USP4: variants seen among roughly 807,000 people sequenced by gnomAD.
USP4 encodes ubiquitin carboxyl-terminal hydrolase 4.
A neutral mutation model predicts 118.2 loss-of-function variants in USP4; 72 were observed. That is an observed-to-expected ratio of 0.61 (90% CI 0.50 to 0.74). The LOEUF is 0.74. Ranked by LOEUF, USP4 falls within the 30% of genes least tolerant of loss-of-function variation. The probability of loss-of-function intolerance (pLI) is 0.00; values close to 1 mark genes in which losing one functional copy is unlikely to be tolerated. For synonymous variants in USP4, 415 were observed against 440.4 expected (o/e 0.94, Z 0.72); for missense variants, 1,037 against 1,185.7 (o/e 0.87, Z 1.84).
Position 49,284,144 on chromosome 3 carries a change from G to A in USP4, c.2391-8C>T. Reference sequence around the variant, plus strand: ...TTACAGTTGGGACAGTACCTAAAAAGAGAAACCTCCACTTAGCAGGGCAAG... The same window carrying A: ...TTACAGTTGGGACAGTACCTAAAAAAAGAAACCTCCACTTAGCAGGGCAAG... On this transcript the variant is annotated splice_polypyrimidine_tract_variant and splice_region_variant and intron_variant, in intron 18 of 21. Coordinates refer to ENST00000265560, the MANE Select transcript of USP4 (RefSeq NM_003363.4). 6.2e-7 allele frequency: 1 copy of A among 1,614,128 alleles called. No homozygotes were observed. The highest frequency in any genetic ancestry group is 1.7e-4 in the Middle Eastern group (1 of 6,060).
chr3:49,280,025 G>A (rs2047001204), intron 20 of USP4, among the ~76,000 whole-genome samples: 1 of 152,190 alleles, frequency 6.6e-6, no homozygotes, highest in African/African-American at 2.4e-5. Flanking sequence ...ACTTTGGGAG[G>A]CCAAGGCAGG....
intron 3 of USP4, among the ~76,000 whole-genome samples, chr3:49,326,576 T>C (rs1362532259): frequency 2.0e-5 from 3 of 151,368 alleles, no homozygotes; most frequent in African/African-American, 4.9e-5. Context: ...TTTGTATTTT[T>C]AGTAGAGACA....
intron 15 of USP4, among the ~76,000 whole-genome samples, chr3:49,292,015 G>A (rs2047157002): frequency 6.6e-6 from 1 of 152,196 alleles, no homozygotes; most frequent in South Asian, 2.1e-4. Flanking sequence ...CACTGTGTTA[G>A]CCAGAATGGT....
chr3:49,326,341 T>TTC (rs2047555266), intron 3 of USP4, among the ~76,000 whole-genome samples: 2 of 152,048 alleles, frequency 1.3e-5, no homozygotes. Flanking sequence ...ATATATATTT[T>TTC]TTTTCTACCC....
chr3:49,287,629 C>A (rs140322563), intron 15 of USP4, among the ~76,000 whole-genome samples: 4 of 152,002 alleles, frequency 2.6e-5, no homozygotes, highest in African/African-American at 9.7e-5. Context: ...CGCACCACCA[C>A]GCCCAGCTAA....
At position 49,284,902 on chromosome 3, in the gene USP4, T is replaced by C. The variant is rs761396618; in HGVS notation, c.2218A>G (p.Met740Val). Residue 740 changes from methionine to valine, a missense_variant, in exon 17 of 22, where the codon ATG becomes GTG. Around this residue, in one of 3 missense-constraint regions of USP4, gnomAD observed 522 missense variants for 592.6 expected, o/e 0.88. Transcript: ENST00000265560. Reference protein sequence around the residue: ...LKLNSRSTLAMDWDSETRRLY... With the variant: ...LKLNSRSTLAVDWDSETRRLY... ...CTCCGAGTTTCACTGTCCCAATCCA[T>C]GGCCAGTGTAGATCGAGCTGAGGAG... The C allele has an allele frequency of 2.5e-6, 4 of 1,613,050 alleles. No homozygotes were observed. The highest frequency in any genetic ancestry group is 3.4e-6 in the Non-Finnish European group (4 of 1,179,484).
intron 4 of USP4, 36 bp from the exon 5 acceptor site, chr3:49,325,075 C>A (rs747037311): frequency 6.2e-7 from 1 of 1,602,726 alleles, no homozygotes; most frequent in Non-Finnish European, 8.5e-7. Context: ...GGGGCTTTGT[C>A]CACATGCAAG....
chr3:49,297,312 CA>C, intron 13 of USP4, among the ~76,000 whole-genome samples: 1 of 152,286 alleles, frequency 6.6e-6, no homozygotes, highest in South Asian at 2.1e-4. Flanking sequence ...AGCCATGAAG[CA>C]GCATGTGGGA....
intron 15 of USP4, among the ~76,000 whole-genome samples, chr3:49,291,573 CA>C (rs768383989): frequency 9.4e-3 from 441 of 46,934 alleles, no homozygotes; most frequent in Middle Eastern, 0.014. Flanking sequence ...GATTCCGTCT[CA>C]AAAAAAAAAA....
At chr3:49,324,635 C>T in intron 6 of USP4, 67 bp downstream of exon 6, 3 of 1,434,034 alleles carry the variant, frequency 2.1e-6, no homozygotes, top group Non-Finnish European at 2.9e-6. Flanking sequence ...AGTACAAGTA[C>T]TGCCTTAGGA....
intron 19 of USP4, 81 bp downstream of exon 19, chr3:49,283,906 T>G (rs2047065795): frequency 1.1e-5 from 17 of 1,567,310 alleles, no homozygotes; most frequent in Non-Finnish European, 1.5e-5. Flanking sequence ...AAGTTTTTGG[T>G]GGCAAACCAC....
intron 2 of USP4, among the ~76,000 whole-genome samples, chr3:49,330,573 C>T (rs189208727): frequency 0.011 from 1,612 of 151,580 alleles, 28 homozygotes; most frequent in African/African-American, 0.037. Context: ...CCTCGTGATC[C>T]GCCCACCTTG....
At chr3:49,322,162 C>A (rs1374185167) in intron 6 of USP4, among the ~76,000 whole-genome samples, 2 of 152,198 alleles carry the variant, frequency 1.3e-5, no homozygotes, top group Non-Finnish European at 2.9e-5. Context: ...CCAGTTCTGA[C>A]CATGAATCCC....
At chr3:49,335,887 G>A (rs759247908) in intron 1 of USP4, among the ~76,000 whole-genome samples, 11 of 151,934 alleles carry the variant, frequency 7.2e-5, no homozygotes, top group Non-Finnish European at 1.0e-4. Context: ...TCTTTTAGAC[G>A]GAGTCTTGTT....
chr3:49,327,179 T>TTA (rs2047564513), intron 3 of USP4, among the ~76,000 whole-genome samples: 1 of 152,144 alleles, frequency 6.6e-6, no homozygotes, highest in Non-Finnish European at 1.5e-5. Flanking sequence ...GCTCTGATGT[T>TTA]TAGAGGCCAC....
intron 15 of USP4, among the ~76,000 whole-genome samples, chr3:49,290,798 A>G (rs981347122): frequency 2.0e-5 from 3 of 152,126 alleles, no homozygotes; most frequent in African/African-American, 7.2e-5. Flanking sequence ...TACAGGCATG[A>G]GCCATCGCAC....
Position 49,284,073 on chromosome 3 carries a change from G to A in USP4, c.2454C>T (p.Pro818=), listed in dbSNP as rs533678277. 6.2e-7 allele frequency: 1 copy of A among 1,614,246 alleles called. No individual in the cohort carries two copies. Among genetic ancestry groups the A allele is most frequent in the East Asian group, 2.2e-5 (1 of 44,894 alleles). ...ATKKFDLWSL[P]KILVVHLKRF... Reference sequence around the variant, plus strand: ...GTTTGAGGTGGACCACCAGGATCTTGGGCAAGGACCATAGGTCAAACTTTT... The same window carrying A: ...GTTTGAGGTGGACCACCAGGATCTTAGGCAAGGACCATAGGTCAAACTTTT... The change falls in exon 19 of 22, where the codon CCC becomes CCT. Residue 818 remains proline (P), a synonymous_variant. Transcript: ENST00000265560.
chr3:49,311,777 A>G, intron 6 of USP4, 123 bp from the exon 7 acceptor site: 5 of 1,425,954 alleles, frequency 3.5e-6, no homozygotes, highest in Non-Finnish European at 4.6e-6. Flanking sequence ...AATTACAAAA[A>G]GCCTGTATTC....
chr3:49,325,485 A>T (rs936091842), intron 4 of USP4, among the ~76,000 whole-genome samples: 5 of 152,078 alleles, frequency 3.3e-5, no homozygotes, highest in Non-Finnish European at 7.3e-5. Context: ...CTTTGGATCT[A>T]CATTTCCTTA....
Sources: allele counts gnomAD v4.1 joint callset (sites outside exome capture counted in the v4.1 genomes callset), GRCh38; gene constraint gnomAD v4.1.1; regional missense constraint gnomAD v4.1.1; transcripts MANE v1.5; gene names NCBI Gene and HGNC (gene_info 2026-07-23, HGNC 2026-07-21).